Variants in NPSR1 observed in about 807,000 individuals in gnomAD.
NPSR1 encodes neuropeptide S receptor.
A neutral mutation model predicts 46.9 loss-of-function variants in NPSR1; 48 were observed. That is an observed-to-expected ratio of 1.02 (90% CI 0.81 to 1.30). The LOEUF (loss-of-function observed/expected upper bound fraction) is 1.30, where lower values mean the gene tolerates loss of function less well. NPSR1 is among the 50% of genes most tolerant of loss of function. The pLI is 0.00. For synonymous variants in NPSR1, 176 were observed against 168.1 expected (o/e 1.05, Z -0.36); for missense variants, 450 against 449.5 (o/e 1.00, Z -0.01).
intron 6 of NPSR1, among the ~76,000 whole-genome samples, chr7:34,843,817 T>C (rs1790652594): frequency 6.6e-6 from 1 of 152,252 alleles, no homozygotes; most frequent in South Asian, 2.1e-4. Context: ...TTTGCCTTTC[T>C]AGTGCACAGC....
intron 2 of NPSR1, among the ~76,000 whole-genome samples, chr7:34,708,153 T>C (rs1794202275): frequency 6.6e-6 from 1 of 152,172 alleles, no homozygotes; most frequent in Non-Finnish European, 1.5e-5. Flanking sequence ...CATATGAATT[T>C]AGGGGAGATG....
At chr7:34,692,925 TCCC>T (rs924551232) in intron 2 of NPSR1, among the ~76,000 whole-genome samples, 1 of 151,996 alleles carries the variant, frequency 6.6e-6, no homozygotes. Context: ...TGAAATACAA[TCCC>T]CCCGTGTTGG....
chr7:34,808,774 C>A (rs1473755047), intron 3 of NPSR1, among the ~76,000 whole-genome samples: 1 of 151,908 alleles, frequency 6.6e-6, no homozygotes, highest in Admixed American at 6.5e-5. Flanking sequence ...AATTTTTTTT[C>A]AAAACTCTGA....
chr7:34,788,427 G>A (rs1235680237), intron 3 of NPSR1, among the ~76,000 whole-genome samples: 1 of 151,952 alleles, frequency 6.6e-6, no homozygotes, highest in Non-Finnish European at 1.5e-5. Context: ...TTATTAAAAT[G>A]GCAATTTAGG....
chr7:34,818,988 C>G (rs1027604756), intron 4 of NPSR1, among the ~76,000 whole-genome samples: 1 of 152,124 alleles, frequency 6.6e-6, no homozygotes, highest in Non-Finnish European at 1.5e-5. Context: ...CTAGGCAATA[C>G]CATTCAGGAC....
At chr7:34,669,302 C>T (rs1305106364) in intron 1 of NPSR1, among the ~76,000 whole-genome samples, 3 of 152,170 alleles carry the variant, frequency 2.0e-5, no homozygotes, top group Non-Finnish European at 4.4e-5. Context: ...GTGGCTCACG[C>T]CTGTAATCCC....
At chr7:34,836,311 A>G (rs1428238138) in intron 6 of NPSR1, among the ~76,000 whole-genome samples, 5 of 152,218 alleles carry the variant, frequency 3.3e-5, no homozygotes, top group Admixed American at 6.5e-5. Context: ...TCTATCAGAT[A>G]TCAAATAAAT....
At chr7:34,743,273 A>G (rs1583923846) in intron 2 of NPSR1, among the ~76,000 whole-genome samples, 1 of 151,992 alleles carries the variant, frequency 6.6e-6, no homozygotes, top group Non-Finnish European at 1.5e-5. Context: ...GGGTTTTTAC[A>G]GTTTTGGGTT....
chr7:34,859,913 T>C (rs1318063565), intron 8 of NPSR1, among the ~76,000 whole-genome samples: 2 of 151,744 alleles, frequency 1.3e-5, no homozygotes, highest in Non-Finnish European at 2.9e-5. Flanking sequence ...GGCCAGGAAC[T>C]GTGTAGGCCT....
intron 2 of NPSR1, among the ~76,000 whole-genome samples, chr7:34,725,126 GACACAC>G (rs1175106673): frequency 8.9e-6 from 1 of 111,982 alleles, no homozygotes; most frequent in Non-Finnish European, 2.0e-5. Flanking sequence ...CACACACACA[GACACAC>G]ACACACACTC....
At chr7:34,798,234 A>C (rs1337110297) in intron 3 of NPSR1, among the ~76,000 whole-genome samples, 2 of 152,156 alleles carry the variant, frequency 1.3e-5, no homozygotes, top group African/African-American at 4.8e-5. Flanking sequence ...ACTGAATGAC[A>C]ATATTAAAAG....
At chr7:34,661,674 T>C (rs1189795777) in intron 1 of NPSR1, among the ~76,000 whole-genome samples, 3 of 152,054 alleles carry the variant, frequency 2.0e-5, no homozygotes, top group African/African-American at 7.2e-5. Flanking sequence ...AGCAGGGAGG[T>C]CTAGGGTGGG....
rs1207100765 is a variant in NPSR1 at position 34,849,701 on chromosome 7, C to A, written c.*46C>A. 2 of 1,605,040 alleles carry A rather than the reference C, an allele frequency of 1.2e-6. No individual in the cohort carries two copies. The highest frequency in any genetic ancestry group is 1.1e-5 in the South Asian group (1 of 89,656). On this transcript the variant is annotated 3_prime_UTR_variant, in exon 9 of 9. Coordinates refer to ENST00000360581, the MANE Select transcript of NPSR1 (RefSeq NM_207172.2). ...CTAGGCTGAGCACCATCAGCTCTCC[C>A]AGGTCCTTGTCACCTGCTTGGGCAC...
intron 4 of NPSR1, among the ~76,000 whole-genome samples, chr7:34,821,296 A>G (rs1370700781): frequency 6.6e-6 from 1 of 151,868 alleles, no homozygotes; most frequent in African/African-American, 2.4e-5. Context: ...CACCACGCCT[A>G]ATTTTTGTAT....
chr7:34,802,179 TACAAATG>T (rs1788453963), intron 3 of NPSR1, among the ~76,000 whole-genome samples: 1 of 150,406 alleles, frequency 6.6e-6, no homozygotes, highest in Non-Finnish European at 1.5e-5. Flanking sequence ...CCCATCAAGC[TACAAATG>T]ACTTTCTTCA....
At chr7:34,696,727 G>T (rs1270850424) in intron 2 of NPSR1, among the ~76,000 whole-genome samples, 1 of 150,896 alleles carries the variant, frequency 6.6e-6, no homozygotes, top group Non-Finnish European at 1.5e-5. Flanking sequence ...GTAGTGAAAA[G>T]GACTCCCAGA....
At chr7:34,867,592 T>G (rs1791341420) in intron 8 of NPSR1, among the ~76,000 whole-genome samples, 1 of 151,864 alleles carries the variant, frequency 6.6e-6, no homozygotes. Context: ...GTCATAGCTG[T>G]GAAGTAGTGT....
intron 7 of NPSR1, among the ~76,000 whole-genome samples, chr7:34,846,431 C>CATTTAAACAT (rs1158384863): frequency 3.3e-5 from 5 of 152,012 alleles, no homozygotes; most frequent in Non-Finnish European, 5.9e-5. Flanking sequence ...TACTACCTAC[C>CATTTAAACAT]ATGATCATTT....
intron 2 of NPSR1, among the ~76,000 whole-genome samples, chr7:34,714,281 C>T (rs1438309985): frequency 6.6e-6 from 1 of 152,198 alleles, no homozygotes; most frequent in Non-Finnish European, 1.5e-5. Context: ...CTGCCGCATT[C>T]CATTGGTTGA....
Sources: gnomAD v4.1 joint callset for allele counts (sites outside exome capture counted in the v4.1 genomes callset) on GRCh38, gnomAD v4.1.1 for gene constraint, MANE v1.5 for transcripts, NCBI Gene and HGNC (gene_info 2026-07-23, HGNC 2026-07-21) for gene names.